The following BAZ2B variants were observed in gnomAD, a reference collection of about 807,000 sequenced individuals.
BAZ2B encodes the protein bromodomain adjacent to zinc finger domain 2B.
In BAZ2B, 91 loss-of-function variants were observed where a neutral mutation model predicts 246.0. The observed-to-expected ratio is 0.37, with a 90% confidence interval of 0.31 to 0.44. BAZ2B has a LOEUF of 0.44. BAZ2B is among the 20% of genes least tolerant of loss of function. The pLI is 1.00. For synonymous variants in BAZ2B, 855 were observed against 860.0 expected, an observed-to-expected ratio of 0.99 and a Z score of 0.10; for missense variants, 2,332 against 2,533.7, an observed-to-expected ratio of 0.92 and a Z score of 1.71.
the BAZ2B span, among the ~76,000 whole-genome samples, chr2:159,685,571 T>C: frequency 6.6e-6 from 1 of 151,962 alleles, no homozygotes; most frequent in Non-Finnish European, 1.5e-5. Context: ...AAAAGCATCT[T>C]GTAGTACCAG....
chr2:159,324,814 C>T lies in BAZ2B; in HGVS notation c.6350G>A (p.Gly2117Glu), dbSNP rs769459015. 6.7e-7 allele frequency: 1 copy of T among 1,497,556 alleles called. No homozygotes were observed. Among genetic ancestry groups the T allele is most frequent in the Non-Finnish European group, 8.9e-7 (1 of 1,129,512 alleles). 92.8% of individuals were successfully genotyped at this position (1,497,556 alleles called of 1,614,324 possible). The stretch of plus-strand genomic sequence containing the variant: ...TGAACTGAAATGATTTACTTACTGT[C>T]CACTACTTAGTTTCTCTCTAATTGT... ...FSTIREKLSS[G>E]QYPNLETFAL... is the part of the protein sequence containing the mutation. The change falls in exon 36 of 37, where the codon GGA becomes GAA. Residue 2117 changes from glycine (G) to glutamate (E), a missense_variant. This residue lies in a region of BAZ2B where 210 missense variants were observed against 232.5 expected (regional missense o/e 0.90). Coordinates refer to ENST00000392783, the MANE Select transcript of BAZ2B (RefSeq NM_013450.4).
intron 8 of BAZ2B, chr2:159,437,916 CAA>C (rs35619012): frequency 1.6e-3 from 222 of 140,674 alleles, no homozygotes; most frequent in Middle Eastern, 3.6e-3. Flanking sequence ...GACCCTGCCT[CAA>C]AAAAAAAAAA....
At chr2:159,442,107 A>G (rs1211423857) in intron 6 of BAZ2B, among the ~76,000 whole-genome samples, 1 of 152,198 alleles carries the variant, frequency 6.6e-6, no homozygotes, top group Non-Finnish European at 1.5e-5. Context: ...ACCATAAGTA[A>G]AACAGAATAA....
intron 28 of BAZ2B, 138 bp from the exon 29 acceptor site, chr2:159,349,418 T>C: frequency 2.1e-6 from 2 of 971,436 alleles, no homozygotes; most frequent in South Asian, 4.0e-5. Flanking sequence ...CAAAATACAT[T>C]AGCAACAAAA....
rs1483844675 is a variant in BAZ2B, at chr2:159,438,711, A to G, written c.901-16T>C. The G allele has an allele frequency of 6.4e-7, 1 of 1,558,284 alleles. No homozygotes were observed. Among genetic ancestry groups the G allele is most frequent in the African/African-American group, 1.4e-5 (1 of 72,534 alleles). The stretch of plus-strand genomic sequence containing the variant: ...GTAATAGCACCTAGATATAAAAATG[A>G]AAAGGTAAGTTCCTAACATCTATTA... On this transcript the variant is annotated splice_polypyrimidine_tract_variant and intron_variant, in intron 7 of 36. Transcript: ENST00000392783.
At chr2:159,389,135 AAAC>A (rs1205984178) in intron 21 of BAZ2B, among the ~76,000 whole-genome samples, 4 of 151,966 alleles carry the variant, frequency 2.6e-5, no homozygotes, top group African/African-American at 4.8e-5. Flanking sequence ...CCAAACAAAC[AAAC>A]AAAAAAACCG....
chr2:159,648,153 T>G, the BAZ2B span, among the ~76,000 whole-genome samples: 1 of 151,972 alleles, frequency 6.6e-6, no homozygotes, highest in South Asian at 2.1e-4. Context: ...TTATTTATTT[T>G]TTGAGAAAGA....
intron 7 of BAZ2B, 151 bp from the exon 8 acceptor site, chr2:159,438,846 C>T (rs1050487649): frequency 2.5e-6 from 3 of 1,214,698 alleles, no homozygotes; most frequent in Admixed American, 2.5e-5. Flanking sequence ...AAAAGAAATA[C>T]CGTATGTCCC....
chr2:159,583,031 T>C (rs548556986), intron 1 of BAZ2B, among the ~76,000 whole-genome samples: 96 of 152,000 alleles, frequency 6.3e-4, no homozygotes, highest in Non-Finnish European at 1.3e-3. Flanking sequence ...AAAATACTTA[T>C]ACATATAAGT....
At chr2:159,490,367 G>A (rs1276495598) in intron 2 of BAZ2B, among the ~76,000 whole-genome samples, 3 of 151,806 alleles carry the variant, frequency 2.0e-5, no homozygotes, top group Non-Finnish European at 4.4e-5. Context: ...GAATCTACGC[G>A]ACCTCCTAGA....
intron 1 of BAZ2B, among the ~76,000 whole-genome samples, chr2:159,583,176 G>A (rs139539754): frequency 0.061 from 9,115 of 150,022 alleles, 403 homozygotes; most frequent in Non-Finnish European, 0.097. Context: ...GTACAGTGGC[G>A]CGATCTCAGC....
At chr2:159,684,043 G>C in the BAZ2B span, among the ~76,000 whole-genome samples, 1 of 152,198 alleles carries the variant, frequency 6.6e-6, no homozygotes, top group African/African-American at 2.4e-5. Flanking sequence ...ACCTTTTCCA[G>C]AATGTCATAT....
chr2:159,377,958 CAAAT>C (rs776304955), intron 25 of BAZ2B, among the ~76,000 whole-genome samples: 3 of 151,494 alleles, frequency 2.0e-5, no homozygotes, highest in Non-Finnish European at 4.4e-5. Flanking sequence ...CCAAGTGAAA[CAAAT>C]AATTTCTGTA....
chr2:159,373,772 A>C (rs984239211), intron 26 of BAZ2B, among the ~76,000 whole-genome samples: 1 of 152,190 alleles, frequency 6.6e-6, no homozygotes, highest in Admixed American at 6.5e-5. Context: ...TCAAGGCTGC[A>C]GTGACCACGC....
At chr2:159,711,810 C>T in the BAZ2B span, 2 of 152,134 alleles carry the variant, frequency 1.3e-5, no homozygotes, top group Admixed American at 1.3e-4. Context: ...AATTTTCCTC[C>T]CTCTTTCTAA....
In BAZ2B at chr2:159,608,139, C is replaced by T. The variant is rs1027399533; in HGVS notation, c.-46+8103G>A. Among the ~76,000 whole-genome samples the T allele has an allele frequency of 4.6e-5, 7 of 152,158 alleles. No homozygotes were observed. The East Asian group carries it at 1.3e-3, about 29-fold the overall frequency. Reference sequence around the variant, plus strand: ...CCTGTAATCCCAGCACTTTGAGAGGCCAAGGTGCGCAGATTGTTTGAGTCC... The same window carrying T: ...CCTGTAATCCCAGCACTTTGAGAGGTCAAGGTGCGCAGATTGTTTGAGTCC... On this transcript the variant is annotated intron_variant, in intron 1 of 36. Transcript: ENST00000392783.
chr2:159,648,437 C>A, the BAZ2B span, among the ~76,000 whole-genome samples: 1 of 152,128 alleles, frequency 6.6e-6, no homozygotes, highest in Non-Finnish European at 1.5e-5. Flanking sequence ...TGCCTTCAGC[C>A]CCTCTTGCTC....
chr2:159,373,097 C>T lies in BAZ2B; in HGVS notation c.4161G>A (p.Trp1387Ter). Residue 1387 changes from tryptophan to a stop codon, truncating the protein, a stop_gained, in exon 27 of 37, where the codon TGG becomes TGA. Coordinates refer to ENST00000392783, the MANE Select transcript of BAZ2B (RefSeq NM_013450.4). LOFTEE classifies it high-confidence loss of function. The part of the protein sequence containing the change: ...FGQDRYRRRY[W>*]ILPQCGGIFV... ...AAATCCCCCCACATTGGGGAAGAAT[C>T]CAGTACCGGCGTCTGTAACGATCTT... is the stretch of plus-strand genomic sequence containing the variant. 1 of 1,614,068 alleles carries T rather than the reference C, an allele frequency of 6.2e-7. No individual in the cohort carries two copies. The highest frequency in any genetic ancestry group is 8.5e-7 in the Non-Finnish European group (1 of 1,179,936).
intron 27 of BAZ2B, among the ~76,000 whole-genome samples, chr2:159,365,709 C>T (rs1393956024): frequency 6.6e-6 from 1 of 152,154 alleles, no homozygotes; most frequent in Admixed American, 6.5e-5. Context: ...TATACTCTAT[C>T]CACAGAGTTT....
Sources: allele counts gnomAD v4.1 joint callset (sites outside exome capture counted in the v4.1 genomes callset), GRCh38; gene constraint gnomAD v4.1.1; regional missense constraint gnomAD v4.1.1; transcripts MANE v1.5; gene names NCBI Gene and HGNC (gene_info 2026-07-23, HGNC 2026-07-21).